Variants in NBPF15 observed in about 807,000 individuals in gnomAD.
The protein encoded by NBPF15 is NBPF member 15.
A neutral mutation model predicts 62.2 loss-of-function variants in NBPF15; 74 were observed. The ratio of observed to expected loss-of-function variants is 1.19; its 90% confidence interval spans 0.99 to 1.44. The LOEUF (loss-of-function observed/expected upper bound fraction) is 1.44. NBPF15 is among the 40% of genes most tolerant of loss of function. The probability of loss-of-function intolerance (pLI) is 0.00; values close to 1 mark genes in which losing one functional copy is unlikely to be tolerated. For synonymous variants in NBPF15, 244 were observed against 209.7 expected (o/e 1.16, Z -1.41); for missense variants, 790 against 550.0 (o/e 1.44, Z -4.36).
rs1279556008 is a variant in NBPF15 at position 144,449,727 on chromosome 1, C to G, written c.-332-811G>C. On this transcript the variant is annotated intron_variant, in intron 5 of 21. Transcript: ENST00000581897. ...GCTGGATTTTGCCCAGCTCCATTTCCAAACTATTTTGGGTTAGTGACTTCT... is the reference window on the plus strand; with the variant it reads ...GCTGGATTTTGCCCAGCTCCATTTCGAAACTATTTTGGGTTAGTGACTTCT... 2.0e-5 allele frequency among the ~76,000 whole-genome samples: 3 copies of G among 150,706 alleles called. 1 individual carries two copies. Among genetic ancestry groups the G allele is most frequent in the Non-Finnish European group, 4.5e-5 (3 of 67,100 alleles).
chr1:144,447,091 C>T (rs1421859921), intron 6 of NBPF15, among the ~76,000 whole-genome samples: 2 of 152,274 alleles, frequency 1.3e-5, no homozygotes. Context: ...CCCGCCTTGT[C>T]TCTAGACAGC....
chr1:144,428,504 T>C, intron 15 of NBPF15, 102 bp downstream of exon 15: 3 of 819,120 alleles, frequency 3.7e-6, no homozygotes, highest in Non-Finnish European at 2.1e-6. Context: ...CAGACTTGTC[T>C]GACAAGACAA....
At position 144,457,176 on chromosome 1, in the gene NBPF15, G is replaced by A. The variant is rs1293813433; in HGVS notation, c.-700-371C>T. 5.9e-5 allele frequency among the ~76,000 whole-genome samples: 9 copies of A among 151,942 alleles called. No homozygotes were observed. The South Asian group carries it at 1.7e-3, about 28-fold the overall frequency. On this transcript the variant is annotated intron_variant, in intron 3 of 21. Coordinates refer to ENST00000581897, the MANE Select transcript of NBPF15 (RefSeq NM_001385408.1). Reference sequence around the variant, plus strand: ...GGGGGAAAAAAAAATAAAGAGTCCTGACTAAATACTTGAGTAGCCAGGGAA... The same window carrying A: ...GGGGGAAAAAAAAATAAAGAGTCCTAACTAAATACTTGAGTAGCCAGGGAA...
At chr1:144,431,614 G>T (rs1426118485) in intron 13 of NBPF15, among the ~76,000 whole-genome samples, 1 of 133,322 alleles carries the variant, frequency 7.5e-6, no homozygotes, top group African/African-American at 2.9e-5. Flanking sequence ...TTAACATTAG[G>T]TATATCTCCT....
chr1:144,460,931 A>G lies in NBPF15; in HGVS notation c.-907T>C, dbSNP rs1296692167. Reference sequence around the variant, plus strand: ...CAAACGCTCCTCATGTGCATCCTGGACTTGGTACACCCGGCTTGCCCATCA... The same window carrying G: ...CAAACGCTCCTCATGTGCATCCTGGGCTTGGTACACCCGGCTTGCCCATCA... On this transcript the variant is annotated 5_prime_UTR_variant, in exon 2 of 22. Coordinates refer to ENST00000581897, the MANE Select transcript of NBPF15 (RefSeq NM_001385408.1). 3 of 151,648 alleles carry G rather than the reference A, an allele frequency of 2.0e-5. No homozygotes were observed. The highest frequency in any genetic ancestry group is 7.3e-5 in the African/African-American group (3 of 41,216). 9.4% of individuals were successfully genotyped at this position (151,648 alleles called of 1,614,324 possible). A position where few individuals can be genotyped will look rare whatever the true frequency, so the allele number is the denominator to read the frequency against.
In NBPF15 at chr1:144,442,203, ATTAT is replaced by A. The variant is rs1461012452; in HGVS notation, c.-190-1912_-190-1909del. Among the ~76,000 whole-genome samples, 53 of 107,288 alleles carry A rather than the reference ATTAT, an allele frequency of 4.9e-4. 6 individuals carry two copies. The highest frequency in any genetic ancestry group is 2.2e-3 in the African/African-American group (53 of 24,516). The allele number at this position is 107,288 out of a possible 152,430, so 70.4% of individuals were successfully genotyped here. A position where few individuals can be genotyped will look rare whatever the true frequency, so the allele number is the denominator to read the frequency against. On this transcript the variant is annotated intron_variant, in intron 6 of 21. Transcript: ENST00000581897. ...ATAATATATATACACGTGTATATAT[ATTAT>A]TAATATATATAATATATATATTAAT... is the stretch of plus-strand genomic sequence containing the variant.
intron 6 of NBPF15, among the ~76,000 whole-genome samples, chr1:144,444,105 G>A (rs1279277681): frequency 6.6e-6 from 1 of 151,754 alleles, no homozygotes; most frequent in African/African-American, 2.4e-5. Context: ...TACCATGTAT[G>A]TTTGTACTTT....
At chr1:144,437,761 T>G (rs1357312194) in intron 9 of NBPF15, among the ~76,000 whole-genome samples, 184 bp downstream of exon 9, 15 of 151,970 alleles carry the variant, frequency 9.9e-5, no homozygotes, top group African/African-American at 3.6e-4. Context: ...GAGAAACAAC[T>G]GCAACCCATA....
chr1:144,431,486 T>A (rs587742310), intron 13 of NBPF15, among the ~76,000 whole-genome samples: 3 of 151,494 alleles, frequency 2.0e-5, no homozygotes, highest in East Asian at 1.9e-4. Flanking sequence ...TATATATATA[T>A]ATATACAGAT....
rs1490630722 is a variant in NBPF15, at chr1:144,461,448, C to G, written c.-1005G>C. 1 of 152,294 alleles carries G rather than the reference C, an allele frequency of 6.6e-6. No homozygotes were observed. Among genetic ancestry groups the G allele is most frequent in the Non-Finnish European group, 1.5e-5 (1 of 68,178 alleles). 9.4% of individuals were successfully genotyped at this position (152,294 alleles called of 1,614,324 possible). ...GGGTGGACTTCGCTGTAAACCGTAA[C>G]TTCCCATCCAGACGGCATCCGTGCG... On this transcript the variant is annotated 5_prime_UTR_variant, in exon 1 of 22. Transcript: ENST00000581897.
intron 4 of NBPF15, among the ~76,000 whole-genome samples, chr1:144,454,950 G>T (rs1185020624): frequency 1.3e-5 from 2 of 151,116 alleles, no homozygotes; most frequent in African/African-American, 2.4e-5. Context: ...CAGAGGTTTT[G>T]GTAAGTAATG....
At position 144,437,088 on chromosome 1, in the gene NBPF15, G is replaced by T; in HGVS notation, c.300C>A (p.His100Gln). The change falls in exon 10 of 22, where the codon CAC (histidine) becomes CAA (glutamine). Residue 100 changes from histidine (H) to glutamine (Q), a missense_variant. Physicochemically the swap from His to Gln is conservative, Grantham distance 24 (BLOSUM62 0). Transcript: ENST00000581897. ...EELRQYKVLV[H>Q]AQERELTQLR... ...ACTGGGTCAGCTCTCGTTCCTGAGC[G>T]TGAACCAGGACTTTATATTGCCTAA... 1.2e-6 allele frequency: 2 copies of T among 1,611,850 alleles called. No individual in the cohort carries two copies. Among genetic ancestry groups the T allele is most frequent in the African/African-American group, 1.3e-5 (1 of 74,976 alleles).
In NBPF15 at chr1:144,427,842, C is replaced by T. The variant is rs1553539569; in HGVS notation, c.1189G>A (p.Val397Ile). Reference protein sequence around the residue: ...SAFYVLEQQRVGLAIDMDEIE... With the variant: ...SAFYVLEQQRIGLAIDMDEIE... ...CCATCCATGTCAATAGCCAAGCCAACACGCTGTTGCTCCAATACGTAAAAG... is the reference window on the plus strand; with the variant it reads ...CCATCCATGTCAATAGCCAAGCCAATACGCTGTTGCTCCAATACGTAAAAG... Residue 397 changes from valine (V) to isoleucine (I), a missense_variant, in exon 16 of 22, where the codon GTT (valine) becomes ATT (isoleucine). Val to Ile is a conservative substitution (Grantham distance 29, BLOSUM62 3). Coordinates refer to ENST00000581897, the MANE Select transcript of NBPF15 (RefSeq NM_001385408.1). The T allele has an allele frequency of 1.4e-6, 1 of 736,650 alleles. No homozygotes were observed. The highest frequency in any genetic ancestry group is 2.5e-6 in the Non-Finnish European group (1 of 403,408). The allele number at this position is 736,650 out of a possible 1,614,324, so 45.6% of individuals were successfully genotyped here. A position where few individuals can be genotyped will look rare whatever the true frequency, so the allele number is the denominator to read the frequency against.
intron 6 of NBPF15, among the ~76,000 whole-genome samples, chr1:144,441,140 G>T (rs1221435593): frequency 6.6e-6 from 1 of 151,860 alleles, no homozygotes; most frequent in Non-Finnish European, 1.5e-5. Flanking sequence ...CTGTGCATAA[G>T]TAACTATGAA....
chr1:144,436,148 C>G (rs1282692492), intron 10 of NBPF15, among the ~76,000 whole-genome samples: 6 of 152,054 alleles, frequency 3.9e-5, no homozygotes, highest in Non-Finnish European at 5.9e-5. Flanking sequence ...CTGTCTCCCC[C>G]ATCCTGCCAG....
At chr1:144,433,347 C>G (rs1199704997) in intron 13 of NBPF15, among the ~76,000 whole-genome samples, 1 of 151,962 alleles carries the variant, frequency 6.6e-6, no homozygotes, top group East Asian at 1.9e-4. Context: ...CAAGAGAAAG[C>G]AGAAAAGATC....
chr1:144,438,262 A>G (rs1371818966), intron 8 of NBPF15, among the ~76,000 whole-genome samples: 1 of 150,534 alleles, frequency 6.6e-6, no homozygotes, highest in Non-Finnish European at 1.5e-5. Flanking sequence ...CCTCAAGGGC[A>G]CATCAAGGAA....
chr1:144,431,419 C>A (rs1674168598), intron 13 of NBPF15, among the ~76,000 whole-genome samples: 1 of 150,502 alleles, frequency 6.6e-6, no homozygotes, highest in Non-Finnish European at 1.5e-5. Flanking sequence ...GAGCAATATT[C>A]AACATTCTTT....
chr1:144,442,180 A>T (rs1406015996), intron 6 of NBPF15, among the ~76,000 whole-genome samples: 7 of 96,360 alleles, frequency 7.3e-5, no homozygotes, highest in Non-Finnish European at 6.0e-5. Context: ...ATATATATAT[A>T]ATATATATAC....
Sources: allele counts gnomAD v4.1 joint callset (sites outside exome capture counted in the v4.1 genomes callset), GRCh38; gene constraint gnomAD v4.1.1; transcripts MANE v1.5; gene names NCBI Gene and HGNC (gene_info 2026-07-23, HGNC 2026-07-21).